Variants in PAK3 observed in about 807,000 individuals in gnomAD.
PAK3 encodes the protein serine/threonine-protein kinase PAK 3.
Under a neutral mutation model 41.0 loss-of-function variants are expected in PAK3, and 4 were observed. The observed-to-expected ratio is 0.10, with a 90% CI of 0.05 to 0.22. PAK3 has a LOEUF of 0.22. Ranked by LOEUF, PAK3 falls within the 10% of genes least tolerant of loss-of-function variation. PAK3 has a pLI of 1.00. For synonymous variants in PAK3, 146 were observed against 139.6 expected (o/e 1.05, Z -0.32); for missense variants, 205 against 409.9 (o/e 0.50, Z 4.32).
intron 1 of PAK3, among the ~76,000 whole-genome samples, chrX:111,039,994 C>CAAAAAAAAAAAAAAAAAAAAAAAA (rs141289134): frequency 2.0e-5 from 1 of 49,279 alleles, no homozygotes; most frequent in Non-Finnish European, 3.9e-5. Context: ...GTAGATGGAG[C>CAAAAAAAAAAAAAAAAAAAAAAAA]AAAAAAAAAA....
In PAK3 at chrX:111,088,257, G is replaced by C. The variant is rs546020304; in HGVS notation, c.-27-34820G>C. Reference sequence around the variant, plus strand: ...CCAATTACCCTAAGAAGAAGGTGCTGTTGGATCCCTCATTTCACAGATGAG... The same window carrying C: ...CCAATTACCCTAAGAAGAAGGTGCTCTTGGATCCCTCATTTCACAGATGAG... On this transcript the variant is annotated intron_variant, in intron 1 of 14. Transcript: ENST00000425146. Among the ~76,000 whole-genome samples the C allele has an allele frequency of 5.4e-4, 60 of 111,815 alleles. No individual in the cohort carries two copies. In the South Asian group the frequency reaches 0.022, roughly 41 times the overall value.
At chrX:111,061,917 G>A (rs1258104819) in intron 1 of PAK3, among the ~76,000 whole-genome samples, 1 of 109,933 alleles carries the variant, frequency 9.1e-6, no homozygotes, top group Non-Finnish European at 1.9e-5. Context: ...TGAGCTCAAG[G>A]GATCCACCTG....
chrX:111,014,074 C>A (rs1295493782), intron 1 of PAK3, among the ~76,000 whole-genome samples: 2 of 112,236 alleles, frequency 1.8e-5, no homozygotes, highest in Non-Finnish European at 3.8e-5. Context: ...TTTCCCTTTG[C>A]TAACCACTCC....
rs183590470 is a variant in PAK3, at chrX:110,967,661, A to G, written c.-28+23033A>G. 2.7e-5 allele frequency among the ~76,000 whole-genome samples: 3 copies of G among 112,043 alleles called. No homozygotes were observed. The East Asian group carries it at 8.4e-4, about 31-fold the overall frequency. Reference sequence around the variant, plus strand: ...AATTAATTTTTTTTTCAATGTCAAGACACTACGGGCCAAGCAAAATATATC... The same window carrying G: ...AATTAATTTTTTTTTCAATGTCAAGGCACTACGGGCCAAGCAAAATATATC... On this transcript the variant is annotated intron_variant, in intron 1 of 14. Transcript: ENST00000425146.
At chrX:111,166,516 T>C (rs1214226635) in intron 10 of PAK3, among the ~76,000 whole-genome samples, 2 of 111,099 alleles carry the variant, frequency 1.8e-5, no homozygotes, top group African/African-American at 6.6e-5. Context: ...CCCAGGCTGG[T>C]CTTGAACTCC....
At chrX:110,958,444 G>A (rs2090911066) in intron 1 of PAK3, among the ~76,000 whole-genome samples, 2 of 111,718 alleles carry the variant, frequency 1.8e-5, no homozygotes, top group South Asian at 3.8e-4. Flanking sequence ...AGTAGTCCAG[G>A]AAAAGAGATG....
chrX:111,110,501 G>A (rs781058193), intron 4 of PAK3, among the ~76,000 whole-genome samples: 60 of 111,598 alleles, frequency 5.4e-4, no homozygotes, highest in African/African-American at 1.4e-3. Flanking sequence ...TCTACAAATC[G>A]AACCATAGGT....
At position 111,225,005 on chromosome X, in the gene PAK3, C is replaced by A. The variant is rs1467276557; in HGVS notation, c.*4558C>A. 4 of 112,042 alleles carry A rather than the reference C, an allele frequency of 3.6e-5. No individual in the cohort carries two copies. Among genetic ancestry groups the A allele is most frequent in the African/African-American group, 1.3e-4 (4 of 30,893 alleles). 9.2% of individuals were successfully genotyped at this position (112,042 alleles called of 1,213,427 possible). A position where few individuals can be genotyped will look rare whatever the true frequency, so the allele number is the denominator to read the frequency against. On this transcript the variant is annotated 3_prime_UTR_variant, in exon 18 of 18. Coordinates refer to ENST00000372007, the MANE Select transcript of PAK3 (RefSeq NM_002578.5). Reference sequence around the variant, plus strand: ...TATCTCCCAGTCTCTGAGCTCTGAACAAGAGGACTGAAATTCAGCATTTGT... The same window carrying A: ...TATCTCCCAGTCTCTGAGCTCTGAAAAAGAGGACTGAAATTCAGCATTTGT...
chrX:111,189,434 A>G (rs759092015), intron 11 of PAK3, among the ~76,000 whole-genome samples: 1 of 111,952 alleles, frequency 8.9e-6, no homozygotes, highest in African/African-American at 3.3e-5. Context: ...TTTTGGATAC[A>G]TACCCAGTAA....
chrX:111,018,213 A>G (rs1474744745), intron 1 of PAK3, among the ~76,000 whole-genome samples: 1 of 111,758 alleles, frequency 8.9e-6, no homozygotes, highest in Non-Finnish European at 1.9e-5. Flanking sequence ...CCTCTATTGA[A>G]CATAGTATTA....
At chrX:111,166,949 T>A (rs1457813833) in intron 10 of PAK3, among the ~76,000 whole-genome samples, 3 of 111,776 alleles carry the variant, frequency 2.7e-5, no homozygotes, top group African/African-American at 6.5e-5. Flanking sequence ...ATGTCCTTAG[T>A]CAAGTCACTT....
chrX:111,055,190 G>A (rs1213450252), intron 1 of PAK3, among the ~76,000 whole-genome samples: 1 of 112,014 alleles, frequency 8.9e-6, no homozygotes, highest in Non-Finnish European at 1.9e-5. Context: ...AGCTCTTCAT[G>A]AGGAAGTCCT....
intron 8 of PAK3, among the ~76,000 whole-genome samples, chrX:111,156,685 T>G (rs1033401512): frequency 1.8e-5 from 2 of 111,632 alleles, no homozygotes; most frequent in African/African-American, 6.5e-5. Context: ...GGGTGAGAAT[T>G]AAAACAGAAG....
intron 1 of PAK3, among the ~76,000 whole-genome samples, chrX:111,078,578 C>T (rs2092806796): frequency 1.8e-5 from 2 of 110,949 alleles, no homozygotes; most frequent in African/African-American, 6.6e-5. Context: ...TCTCCTTCTC[C>T]CTCTCCTAAG....
In PAK3 at chrX:110,997,585, A is replaced by G. The variant is rs764794163; in HGVS notation, c.-28+52957A>G. On this transcript the variant is annotated intron_variant, in intron 1 of 14. Transcript: ENST00000425146. Reference sequence around the variant, plus strand: ...AGGATGATGCCATGGTTTTTAGCCTAGGCATCTATAATAATGGAGTTGCTA... The same window carrying G: ...AGGATGATGCCATGGTTTTTAGCCTGGGCATCTATAATAATGGAGTTGCTA... Among the ~76,000 whole-genome samples, 3 of 112,094 alleles carry G rather than the reference A, an allele frequency of 2.7e-5. No homozygotes were observed. The South Asian group carries it at 1.1e-3, about 42-fold the overall frequency.
chrX:111,204,149 T>C (rs2094713710), intron 16 of PAK3, among the ~76,000 whole-genome samples: 1 of 111,432 alleles, frequency 9.0e-6, no homozygotes, highest in Admixed American at 9.5e-5. Context: ...GAATTCAGCA[T>C]AGGAAAATGG....
In PAK3 at chrX:110,993,291, C is replaced by G. The variant is rs1402920227; in HGVS notation, c.-28+48663C>G. ...TGATGTGAGTTGCTGTGAAGCCACACTTCCCCTATTTTGGCCTCACAAAAT... is the reference window on the plus strand; with the variant it reads ...TGATGTGAGTTGCTGTGAAGCCACAGTTCCCCTATTTTGGCCTCACAAAAT... On this transcript the variant is annotated intron_variant, in intron 1 of 14. Coordinates refer to the PAK3 transcript ENST00000425146. 3.6e-5 allele frequency among the ~76,000 whole-genome samples: 4 copies of G among 111,728 alleles called. No individual in the cohort carries two copies. In the East Asian group the frequency reaches 1.1e-3, roughly 31 times the overall value.
At chrX:111,045,362 A>G (rs1407731079) in intron 1 of PAK3, among the ~76,000 whole-genome samples, 1 of 112,354 alleles carries the variant, frequency 8.9e-6, no homozygotes, top group Non-Finnish European at 1.9e-5. Context: ...TTTTATTTTC[A>G]ACAGTTATAT....
At chrX:110,980,584 T>A (rs1193114064) in intron 1 of PAK3, among the ~76,000 whole-genome samples, 1 of 111,397 alleles carries the variant, frequency 9.0e-6, no homozygotes. Flanking sequence ...AATCAACTCA[T>A]AAAAGGCAGA....
Sources: gnomAD v4.1 joint callset for allele counts (sites outside exome capture counted in the v4.1 genomes callset) on GRCh38, gnomAD v4.1.1 for gene constraint, MANE v1.5 for transcripts, NCBI Gene and HGNC (gene_info 2026-07-23, HGNC 2026-07-21) for gene names.